The following CALN1 variants were observed in gnomAD, a reference collection of about 807,000 sequenced individuals.
CALN1 encodes the protein calcium-binding protein 8.
A neutral mutation model predicts 30.6 loss-of-function variants in CALN1; 17 were observed. That is an observed-to-expected ratio of 0.56 (90% confidence interval 0.38 to 0.83). CALN1 has a LOEUF of 0.83. Ranked by LOEUF, CALN1 falls within the 40% of genes least tolerant of loss-of-function variation. The pLI is 0.00. For synonymous variants in CALN1, 156 were observed against 131.4 expected (o/e 1.19, Z -1.28); for missense variants, 291 against 354.9 (o/e 0.82, Z 1.45).
At chr7:72,144,172 C>A (rs951183720) in intron 3 of CALN1, among the ~76,000 whole-genome samples, 3 of 152,110 alleles carry the variant, frequency 2.0e-5, no homozygotes, top group Admixed American at 2.0e-4. Flanking sequence ...TTAAAAGACA[C>A]AGACTGGCAA....
the CALN1 span, among the ~76,000 whole-genome samples, chr7:72,457,553 T>C: frequency 2.0e-5 from 3 of 152,124 alleles, no homozygotes; most frequent in Non-Finnish European, 4.4e-5. Context: ...ATCAAGGCCC[T>C]ACTCAGATGT....
chr7:71,952,978 A>G (rs1463425533), intron 5 of CALN1, among the ~76,000 whole-genome samples: 1 of 151,926 alleles, frequency 6.6e-6, no homozygotes, highest in Admixed American at 6.6e-5. Context: ...TTATTTGGAG[A>G]TAAAGTCTTG....
chr7:72,314,366 C>CATATACATATATATACACAT (rs1554365667), intron 2 of CALN1, among the ~76,000 whole-genome samples: 1 of 81,804 alleles, frequency 1.2e-5, no homozygotes, highest in East Asian at 2.0e-4. Flanking sequence ...TATACATATA[C>CATATACATATATATACACAT]ATATATACAC....
At chr7:72,233,743 T>G (rs1190257111) in intron 3 of CALN1, among the ~76,000 whole-genome samples, 2 of 151,950 alleles carry the variant, frequency 1.3e-5, no homozygotes, top group African/African-American at 4.8e-5. Flanking sequence ...CTGGCTCACA[T>G]CTGTAATCCC....
At chr7:72,289,580 TG>T (rs1216723446) in intron 2 of CALN1, among the ~76,000 whole-genome samples, 1 of 152,068 alleles carries the variant, frequency 6.6e-6, no homozygotes, top group Non-Finnish European at 1.5e-5. Flanking sequence ...GCTCCCAACA[TG>T]GTACCACTAA....
Position 72,308,500 on chromosome 7 carries a change from T to C in CALN1, c.120-29690A>G, listed in dbSNP as rs542578716. On this transcript the variant is annotated intron_variant, in intron 2 of 6. Coordinates refer to ENST00000395275, the MANE Select transcript of CALN1 (RefSeq NM_031468.4). The stretch of plus-strand genomic sequence containing the variant: ...TCCCAGTGTCAAGCCCAATGTCAGA[T>C]ATACAAGGAATATTTGAAAATGTTT... 2.0e-5 allele frequency among the ~76,000 whole-genome samples: 3 copies of C among 152,058 alleles called. No homozygotes were observed. In the East Asian group the frequency reaches 5.8e-4, roughly 29 times the overall value.
At chr7:71,834,769 G>A (rs745875572) in intron 5 of CALN1, among the ~76,000 whole-genome samples, 3 of 152,108 alleles carry the variant, frequency 2.0e-5, no homozygotes, top group Non-Finnish European at 4.4e-5. Context: ...TGCAGACTGC[G>A]TTTAAGCCAT....
At chr7:71,973,642 T>A (rs1048726069) in intron 5 of CALN1, among the ~76,000 whole-genome samples, 2 of 151,992 alleles carry the variant, frequency 1.3e-5, no homozygotes, top group Non-Finnish European at 2.9e-5. Flanking sequence ...ACCAGAGACG[T>A]GTTTATGAAC....
At chr7:72,373,308 G>A (rs1804358730) in intron 2 of CALN1, among the ~76,000 whole-genome samples, 2 of 152,160 alleles carry the variant, frequency 1.3e-5, no homozygotes, top group South Asian at 2.1e-4. Context: ...CCAAAGGACA[G>A]AAAAAACATA....
At chr7:72,434,981 C>T (rs1433407553) in intron 1 of CALN1, among the ~76,000 whole-genome samples, 1 of 152,206 alleles carries the variant, frequency 6.6e-6, no homozygotes, top group East Asian at 1.9e-4. Flanking sequence ...AATCCAAGCA[C>T]TTTGGGAGGC....
chr7:72,021,440 C>T (rs1800703040), intron 5 of CALN1, among the ~76,000 whole-genome samples: 2 of 152,142 alleles, frequency 1.3e-5, no homozygotes, highest in Admixed American at 6.5e-5. Flanking sequence ...ATTCCTTCAT[C>T]TTCTGAACTC....
intron 1 of CALN1, among the ~76,000 whole-genome samples, chr7:72,407,295 A>AT (rs1806765781): frequency 6.6e-6 from 1 of 152,216 alleles, no homozygotes; most frequent in African/African-American, 2.4e-5. Flanking sequence ...AAGTTATTGT[A>AT]AAGTGTTAGG....
rs187724314 is a variant in CALN1, at chr7:71,836,431, G to C, written c.502-25939C>G. ...GAAAAGACCTTGCATCTCTGCAGTGGTGCAATCGCATCTCTGCAGTGGTGC... is the reference window on the plus strand; with the variant it reads ...GAAAAGACCTTGCATCTCTGCAGTGCTGCAATCGCATCTCTGCAGTGGTGC... On this transcript the variant is annotated intron_variant, in intron 5 of 6. Coordinates refer to ENST00000395275, the MANE Select transcript of CALN1 (RefSeq NM_031468.4). 1.2e-4 allele frequency among the ~76,000 whole-genome samples: 19 copies of C among 152,222 alleles called. No individual in the cohort carries two copies. The East Asian group carries it at 3.7e-3, about 29-fold the overall frequency.
chr7:71,896,533 A>G (rs938816759), intron 5 of CALN1, among the ~76,000 whole-genome samples: 2 of 152,246 alleles, frequency 1.3e-5, no homozygotes, highest in African/African-American at 4.8e-5. Flanking sequence ...CACCGAAATT[A>G]GATGAGAATC....
intron 5 of CALN1, among the ~76,000 whole-genome samples, chr7:71,967,639 A>AAAAAG (rs555970609): frequency 0.064 from 9,154 of 142,110 alleles, 382 homozygotes; most frequent in Admixed American, 0.1. Flanking sequence ...AAAAAAAAAA[A>AAAAAG]AAAGAAAGAA....
chr7:72,457,234 T>A, the CALN1 span, among the ~76,000 whole-genome samples: 1 of 152,200 alleles, frequency 6.6e-6, no homozygotes, highest in Non-Finnish European at 1.5e-5. Flanking sequence ...GGTCTCGAAC[T>A]CCTGACCTCA....
intron 4 of CALN1, among the ~76,000 whole-genome samples, chr7:72,075,633 T>C (rs770794647): frequency 6.6e-6 from 1 of 152,216 alleles, no homozygotes; most frequent in African/African-American, 2.4e-5. Flanking sequence ...TGTCCCTGTC[T>C]TGGCCTGGGT....
At chr7:71,788,493 T>G (rs1175180432) in intron 6 of CALN1, among the ~76,000 whole-genome samples, 1 of 141,968 alleles carries the variant, frequency 7.0e-6, no homozygotes, top group Non-Finnish European at 1.5e-5. Context: ...TTTTTGTTGT[T>G]TTTTTTTTTT....
At chr7:72,133,492 A>T (rs1225602237) in intron 3 of CALN1, among the ~76,000 whole-genome samples, 1 of 152,236 alleles carries the variant, frequency 6.6e-6, no homozygotes, top group African/African-American at 2.4e-5. Context: ...AAACTGTTGT[A>T]TGATTATCAT....
Sources: allele counts gnomAD v4.1 joint callset (sites outside exome capture counted in the v4.1 genomes callset), GRCh38; gene constraint gnomAD v4.1.1; transcripts MANE v1.5; gene names NCBI Gene and HGNC (gene_info 2026-07-23, HGNC 2026-07-21).